Variants in RIT2 observed in about 807,000 individuals in gnomAD.
The protein encoded by RIT2 is GTP-binding protein Rit2.
A neutral mutation model predicts 23.7 loss-of-function variants in RIT2; 24 were observed. The ratio of observed to expected loss-of-function variants is 1.01; its 90% CI spans 0.73 to 1.43. RIT2 has a LOEUF of 1.43. RIT2 is among the 40% of genes most tolerant of loss of function. The pLI is 0.00. For missense variants in RIT2, 236 were observed against 266.9 expected (o/e 0.88, Z 0.81); for synonymous variants, 107 against 91.1 (o/e 1.17, Z -0.99).
At chr18:42,867,889 C>T (rs1426265786) in intron 4 of RIT2, among the ~76,000 whole-genome samples, 1 of 152,164 alleles carries the variant, frequency 6.6e-6, no homozygotes, top group East Asian at 1.9e-4. Context: ...CCTCTGGAAT[C>T]CCCAATCAAT....
At chr18:42,873,386 G>T (rs190022347) in intron 4 of RIT2, among the ~76,000 whole-genome samples, 1 of 151,918 alleles carries the variant, frequency 6.6e-6, no homozygotes, top group Non-Finnish European at 1.5e-5. Context: ...GTTCCCCTCC[G>T]AGTAGAAAAA....
rs1292038798 is a variant in RIT2, at chr18:43,115,607, T to C, written c.-88A>G. 2.0e-6 allele frequency: 3 copies of C among 1,507,060 alleles called. No homozygotes were observed. In the African/African-American group the frequency reaches 4.2e-5, roughly 21 times the overall value. The allele number at this position is 1,507,060 out of a possible 1,614,324, so 93.4% of individuals were successfully genotyped here. ...AATATTAAGCAACTCTAAAACTGTGTCAAAGCAAAGGTTTTAGTACGAGGT... is the reference window on the plus strand; with the variant it reads ...AATATTAAGCAACTCTAAAACTGTGCCAAAGCAAAGGTTTTAGTACGAGGT... On this transcript the variant is annotated 5_prime_UTR_variant, in exon 1 of 5. Coordinates refer to ENST00000326695, the MANE Select transcript of RIT2 (RefSeq NM_002930.4).
rs145901740 is a variant in RIT2 at position 43,037,930 on chromosome 18, C to T, written c.104-4063G>A. Among the ~76,000 whole-genome samples, 272 of 152,066 alleles carry T rather than the reference C, an allele frequency of 1.8e-3. 1 individual carries two copies. The highest frequency in any genetic ancestry group is 5.7e-3 in the African/African-American group (238 of 41,488). ...TTGAAATTAATAGTTTCAGGCCGGA[C>T]GCCGTGGCTCATGCCTGTAATCCCA... On this transcript the variant is annotated intron_variant, in intron 1 of 4. Coordinates refer to ENST00000326695, the MANE Select transcript of RIT2 (RefSeq NM_002930.4).
chr18:42,802,773 T>A (rs547210530), intron 4 of RIT2, among the ~76,000 whole-genome samples: 6 of 152,354 alleles, frequency 3.9e-5, no homozygotes, highest in African/African-American at 9.6e-5. Context: ...GTTTTCATAC[T>A]TCCTCACTTT....
At chr18:42,836,060 C>T (rs1235612507) in intron 4 of RIT2, among the ~76,000 whole-genome samples, 5 of 152,130 alleles carry the variant, frequency 3.3e-5, no homozygotes, top group Admixed American at 1.3e-4. Flanking sequence ...TTATTTCTTA[C>T]ACACTTCTTA....
rs112040150 is a variant in RIT2 at position 42,856,246 on chromosome 18, C to A, written c.426+67326G>T. ...CTTTGTTTGACTGTAGGTCATTAGA[C>A]CTTTGTTCAGGAGAGAGTCCTATCT... is the stretch of plus-strand genomic sequence containing the variant. On this transcript the variant is annotated intron_variant, in intron 4 of 4. Transcript: ENST00000326695. 4.1e-3 allele frequency among the ~76,000 whole-genome samples: 620 copies of A among 152,316 alleles called. 1 individual carries two copies. Among genetic ancestry groups the A allele is most frequent in the Middle Eastern group, 0.014 (4 of 294 alleles).
intron 3 of RIT2, among the ~76,000 whole-genome samples, chr18:42,936,656 C>G (rs577281030): frequency 5.3e-5 from 8 of 152,118 alleles, no homozygotes; most frequent in Admixed American, 1.3e-4. Flanking sequence ...GTATATATCT[C>G]TATACTACAT....
At chr18:42,920,605 CGTT>C (rs1188304145) in intron 4 of RIT2, 8 of 793,296 alleles carry the variant, frequency 1.0e-5, no homozygotes, top group South Asian at 3.2e-5. Context: ...CACTAAAACT[CGTT>C]GTCTTTTTGT....
At chr18:42,923,419 A>T in intron 4 of RIT2, 153 bp downstream of exon 4, 1 of 730,192 alleles carries the variant, frequency 1.4e-6, no homozygotes, top group South Asian at 1.8e-5. Context: ...AGGCCAACAC[A>T]ATTTACCATG....
chr18:43,099,873 T>C (rs1913643045), intron 1 of RIT2, among the ~76,000 whole-genome samples: 1 of 151,982 alleles, frequency 6.6e-6, no homozygotes, highest in South Asian at 2.1e-4. Context: ...ATAACTAGAG[T>C]CTTATCACTT....
intron 4 of RIT2, among the ~76,000 whole-genome samples, chr18:42,835,436 C>T (rs991696422): frequency 1.3e-5 from 2 of 151,906 alleles, no homozygotes; most frequent in Non-Finnish European, 2.9e-5. Context: ...CACTCAATGC[C>T]CTTGTAAGAA....
intron 4 of RIT2, among the ~76,000 whole-genome samples, chr18:42,920,242 A>C (rs1354948495): frequency 6.6e-6 from 1 of 152,288 alleles, no homozygotes; most frequent in East Asian, 1.9e-4. Flanking sequence ...GTTCATGATA[A>C]AATGACAATG....
rs137977195 is a variant in RIT2 at position 43,057,721 on chromosome 18, G to A, written c.104-23854C>T. 6.6e-5 allele frequency among the ~76,000 whole-genome samples: 10 copies of A among 151,524 alleles called. No individual in the cohort carries two copies. The East Asian group carries it at 1.9e-3, about 29-fold the overall frequency. ...CTTATAGTTTTCCATATTCCACCCA[G>A]GAACATCAAATAATTATGGGGCAGC... On this transcript the variant is annotated intron_variant, in intron 1 of 4. Transcript: ENST00000326695.
chr18:43,018,183 G>A (rs1372716548), intron 2 of RIT2, among the ~76,000 whole-genome samples: 1 of 151,954 alleles, frequency 6.6e-6, no homozygotes, highest in Non-Finnish European at 1.5e-5. Context: ...TGCCCCTAAC[G>A]CGAAGAGTGA....
At chr18:43,029,150 T>C (rs540321666) in intron 2 of RIT2, among the ~76,000 whole-genome samples, 2 of 152,162 alleles carry the variant, frequency 1.3e-5, no homozygotes, top group South Asian at 4.1e-4. Context: ...TATTCTTTTT[T>C]TGTAGAACTT....
At chr18:42,751,158 G>A (rs1913036332) in intron 4 of RIT2, among the ~76,000 whole-genome samples, 1 of 151,742 alleles carries the variant, frequency 6.6e-6, no homozygotes, top group African/African-American at 2.4e-5. Context: ...GCTGTCAGTG[G>A]TGCCCTGACA....
chr18:42,775,920 C>A (rs150414560), intron 4 of RIT2, among the ~76,000 whole-genome samples: 1,631 of 151,940 alleles, frequency 0.011, 6 homozygotes, highest in Middle Eastern at 0.037. Flanking sequence ...TTCATACTTT[C>A]TTTTCTCCTT....
chr18:42,750,284 G>A (rs1267616653), intron 4 of RIT2, among the ~76,000 whole-genome samples: 2 of 151,760 alleles, frequency 1.3e-5, no homozygotes, highest in Non-Finnish European at 3.0e-5. Context: ...AGTGTTAGGA[G>A]TCAGTATAGT....
intron 1 of RIT2, among the ~76,000 whole-genome samples, chr18:43,097,614 G>T (rs536470149): frequency 7.4e-4 from 112 of 151,986 alleles, no homozygotes; most frequent in African/African-American, 2.6e-3. Context: ...CTTTTGTCTG[G>T]AACAAAGTGT....
Sources: allele counts gnomAD v4.1 joint callset (sites outside exome capture counted in the v4.1 genomes callset), GRCh38; gene constraint gnomAD v4.1.1; transcripts MANE v1.5; gene names NCBI Gene and HGNC (gene_info 2026-07-23, HGNC 2026-07-21).